The following MBIP variants were observed in gnomAD, a reference collection of about 807,000 sequenced individuals.
MBIP encodes the protein MAP3K12-binding inhibitory protein 1.
In MBIP, 32 loss-of-function variants were observed where a neutral mutation model predicts 45.7. The ratio of observed to expected loss-of-function variants is 0.70; its 90% CI spans 0.53 to 0.94. MBIP has a LOEUF of 0.94. MBIP is among the 40% of genes least tolerant of loss of function. The pLI is 0.00. For missense variants in MBIP, 381 were observed against 405.5 expected (o/e 0.94, Z 0.52); for synonymous variants, 145 against 141.0 (o/e 1.03, Z -0.20).
intron 2 of MBIP, among the ~76,000 whole-genome samples, chr14:36,315,571 G>GA (rs1186592685): frequency 1.2e-3 from 183 of 152,038 alleles, no homozygotes; most frequent in African/African-American, 4.1e-3. Context: ...ATCTATAGCT[G>GA]AAAACAGGCA....
At chr14:36,304,561 G>A (rs1259223370) in intron 7 of MBIP, among the ~76,000 whole-genome samples, 1 of 152,106 alleles carries the variant, frequency 6.6e-6, no homozygotes, top group African/African-American at 2.4e-5. Context: ...GACTGTTAAG[G>A]CCATGCCCTT....
rs531003889 is a variant in MBIP, at chr14:36,314,435, A to C, written c.571+77T>G. 2.0e-5 allele frequency: 16 copies of C among 818,294 alleles called. No individual in the cohort carries two copies. In the African/African-American group the frequency reaches 2.6e-4, roughly 13 times the overall value. The allele number at this position is 818,294 out of a possible 1,614,324, so 50.7% of individuals were successfully genotyped here. A position where few individuals can be genotyped will look rare whatever the true frequency, so the allele number is the denominator to read the frequency against. ...ATTGTGTTCTAAAAGCTATTCATTT[A>C]AAAAATAAATAAAAGATTAGAGCAA... On this transcript the variant is annotated intron_variant, in intron 4 of 8. Transcript: ENST00000416007.
In MBIP at chr14:36,302,875, C is replaced by G. The variant is rs555869000; in HGVS notation, c.889-2052G>C. Among the ~76,000 whole-genome samples, 20 of 152,326 alleles carry G rather than the reference C, an allele frequency of 1.3e-4. No homozygotes were observed. The East Asian group carries it at 3.9e-3, about 29-fold the overall frequency. On this transcript the variant is annotated intron_variant, in intron 7 of 8. Transcript: ENST00000416007. ...CAATGCTGTGAAAGTGACAGACATT[C>G]AGTAGAAACTGTACTTCAAATGCTG...
At position 36,299,138 on chromosome 14, in the gene MBIP, G is replaced by A. The variant is rs1879375233; in HGVS notation, c.980C>T (p.Ala327Val). The A allele has an allele frequency of 6.2e-7, 1 of 1,613,700 alleles. No individual in the cohort carries two copies. The highest frequency in any genetic ancestry group is 1.3e-5 in the African/African-American group (1 of 74,894). ...LDEKISALKQ[A>V]LLRKSREAES... ...TGCTTCTCTTGATTTTCTGAGGAGG[G>A]CTTGTTTGAGGGCACTAATTTTCTC... Residue 327 changes from alanine (A) to valine (V), a missense_variant, in exon 9 of 9, where the codon GCC becomes GTC. Ala to Val is a moderately conservative substitution (Grantham distance 64, BLOSUM62 0). Transcript: ENST00000416007.
chr14:36,299,042 T>G lies in MBIP; in HGVS notation c.*41A>C. 7.4e-7 allele frequency: 1 copy of G among 1,344,926 alleles called. No individual in the cohort carries two copies. The highest frequency in any genetic ancestry group is 1.1e-6 in the Non-Finnish European group (1 of 935,176). 83.3% of individuals were successfully genotyped at this position (1,344,926 alleles called of 1,614,324 possible). ...TTAATAACAGTGTAAGTTACACATA[T>G]GTATACAAAAAAGTAAAATGACAAG... On this transcript the variant is annotated 3_prime_UTR_variant, in exon 9 of 9. Coordinates refer to ENST00000416007, the MANE Select transcript of MBIP (RefSeq NM_016586.3).
intron 7 of MBIP, among the ~76,000 whole-genome samples, chr14:36,304,917 C>A (rs2139204386): frequency 6.6e-6 from 1 of 152,298 alleles, no homozygotes; most frequent in African/African-American, 2.4e-5. Flanking sequence ...TGAATAAACA[C>A]ATTTCAATGA....
Position 36,308,133 on chromosome 14 carries a change from G to A in MBIP, c.847C>T (p.Leu283Phe), listed in dbSNP as rs766360696. 12 of 1,605,324 alleles carry A rather than the reference G, an allele frequency of 7.5e-6. No homozygotes were observed. Among genetic ancestry groups the A allele is most frequent in the Non-Finnish European group, 1.0e-5 (12 of 1,174,244 alleles). ...TCAGGAGAGATGCCTTCCAATTCAAGGATTTTATCCTCAAGTTTTTTAATT... is the reference window on the plus strand; with the variant it reads ...TCAGGAGAGATGCCTTCCAATTCAAAGATTTTATCCTCAAGTTTTTTAATT... Reference protein sequence around the residue: ...QRIKKLEDKILELEGISPEYF... With the variant: ...QRIKKLEDKIFELEGISPEYF... Residue 283 changes from leucine (L) to phenylalanine (F), a missense_variant, in exon 7 of 9, where the codon CTT (leucine) becomes TTT (phenylalanine). By Grantham distance (22) the Leu-to-Phe change is conservative (BLOSUM62 0). Coordinates refer to ENST00000416007, the MANE Select transcript of MBIP (RefSeq NM_016586.3).
intron 1 of MBIP, chr14:36,319,635 C>A: frequency 2.4e-6 from 1 of 410,126 alleles, no homozygotes; most frequent in East Asian, 8.0e-5. Flanking sequence ...TAGTACCAGC[C>A]CCAAAACAAA....
chr14:36,319,287 A>C (rs1285366811), intron 1 of MBIP, among the ~76,000 whole-genome samples: 2 of 152,180 alleles, frequency 1.3e-5, no homozygotes, highest in African/African-American at 4.8e-5. Context: ...AAACCATTTA[A>C]ACGTCTTGGG....
At chr14:36,312,138 AAAT>A (rs1318612184) in intron 4 of MBIP, 114 bp from the exon 5 acceptor site, 23 of 522,400 alleles carry the variant, frequency 4.4e-5, no homozygotes, top group Middle Eastern at 5.0e-4. Context: ...TAATTTTAAT[AAAT>A]AATAGTAACA....
At chr14:36,302,841 T>C (rs1163103210) in intron 7 of MBIP, among the ~76,000 whole-genome samples, 3 of 152,234 alleles carry the variant, frequency 2.0e-5, no homozygotes, top group Non-Finnish European at 4.4e-5. Flanking sequence ...ATAAGGTTTT[T>C]CAAATTTACA....
chr14:36,302,219 G>A (rs747807628), intron 7 of MBIP, among the ~76,000 whole-genome samples: 1 of 152,166 alleles, frequency 6.6e-6, no homozygotes, highest in Non-Finnish European at 1.5e-5. Flanking sequence ...TTGGCCAGGC[G>A]TGGTGGCTCA....
At chr14:36,313,698 A>G (rs756167271) in intron 4 of MBIP, 3 of 152,128 alleles carry the variant, frequency 2.0e-5, no homozygotes, top group Non-Finnish European at 2.9e-5. Flanking sequence ...TAAGAGAATC[A>G]GTGTACCAAT....
chr14:36,300,869 A>ATT, intron 7 of MBIP, 46 bp from the exon 8 acceptor site: 4 of 1,183,276 alleles, frequency 3.4e-6, no homozygotes, highest in Middle Eastern at 2.0e-4. Context: ...TCTAAGCATC[A>ATT]TTTTTTTTTC....
intron 1 of MBIP, among the ~76,000 whole-genome samples, chr14:36,318,483 G>A (rs1171881037): frequency 3.3e-5 from 5 of 151,848 alleles, no homozygotes; most frequent in African/African-American, 1.2e-4. Context: ...TATGCATTTT[G>A]CCCTACAGAA....
intron 8 of MBIP, 89 bp downstream of exon 8, chr14:36,300,696 A>G: frequency 1.0e-6 from 1 of 984,048 alleles, no homozygotes; most frequent in Non-Finnish European, 1.5e-6. Context: ...ATGACCTAAA[A>G]GCAACCATAG....
In MBIP at chr14:36,308,077, G is replaced by C. The variant is rs1372859114; in HGVS notation, c.888+15C>G. 7.6e-7 allele frequency: 1 copy of C among 1,308,832 alleles called. No individual in the cohort carries two copies. The highest frequency in any genetic ancestry group is 1.1e-6 in the Non-Finnish European group (1 of 925,892). 81.1% of individuals were successfully genotyped at this position (1,308,832 alleles called of 1,614,324 possible). A position where few individuals can be genotyped will look rare whatever the true frequency, so the allele number is the denominator to read the frequency against. ...ATAACATTTTCATTTATTTTTAAAAGACACTTATACTCACTACAGACTGAA... is the reference window on the plus strand; with the variant it reads ...ATAACATTTTCATTTATTTTTAAAACACACTTATACTCACTACAGACTGAA... On this transcript the variant is annotated intron_variant, in intron 7 of 8. Transcript: ENST00000416007.
At chr14:36,304,864 G>T (rs1392752155) in intron 7 of MBIP, among the ~76,000 whole-genome samples, 2 of 152,060 alleles carry the variant, frequency 1.3e-5, no homozygotes, top group African/African-American at 4.8e-5. Flanking sequence ...CTATCCAATT[G>T]TAAGAAGCTC....
intron 4 of MBIP, chr14:36,313,421 C>T (rs1413837992): frequency 1.3e-5 from 2 of 152,066 alleles, no homozygotes; most frequent in African/African-American, 2.4e-5. Context: ...TTTCAATTCT[C>T]GTCAATTTCT....
Sources: gnomAD v4.1 joint callset for allele counts (sites outside exome capture counted in the v4.1 genomes callset) on GRCh38, gnomAD v4.1.1 for gene constraint, MANE v1.5 for transcripts, NCBI Gene and HGNC (gene_info 2026-07-23, HGNC 2026-07-21) for gene names.